Variants in ABHD12B observed in about 807,000 individuals in gnomAD.
The protein encoded by ABHD12B is abhydrolase domain containing 12B, also known as protein ABHD12B.
Under a neutral mutation model 50.4 loss-of-function variants are expected in ABHD12B, and 42 were observed. That is an observed-to-expected ratio of 0.83 (90% CI 0.65 to 1.08). The LOEUF (loss-of-function observed/expected upper bound fraction) is 1.08, where lower values mean the gene tolerates loss of function less well. ABHD12B is among the 50% of genes least tolerant of loss of function. The pLI is 0.00. For missense variants in ABHD12B, 479 were observed against 447.7 expected (o/e 1.07, Z -0.63); for synonymous variants, 167 against 160.3 (o/e 1.04, Z -0.32).
chr14:50,880,436 C>T lies in ABHD12B; in HGVS notation c.336-16C>T. ...TTCCTCTTTCTACATTTGTTTAAAC[C>T]TCCCTTGCTCTTCAGGCACACAGTC... On this transcript the variant is annotated splice_polypyrimidine_tract_variant and intron_variant, in intron 3 of 12. Transcript: ENST00000337334. 1.9e-6 allele frequency: 3 copies of T among 1,581,944 alleles called. No individual in the cohort carries two copies. The highest frequency in any genetic ancestry group is 2.6e-6 in the Non-Finnish European group (3 of 1,166,542).
chr14:50,888,874 G>A lies in ABHD12B; in HGVS notation c.751G>A (p.Val251Ile), dbSNP rs759249582. ...GGAAGCTCCATTTACCAACATGTGGGTTGCAAGTATCAATTATCCCTTGTT... is the reference window on the plus strand; with the variant it reads ...GGAAGCTCCATTTACCAACATGTGGATTGCAAGTATCAATTATCCCTTGTT... ...VLEAPFTNMW[V>I]ASINYPLLKI... is the part of the protein sequence containing the mutation. The change falls in exon 9 of 13, where the codon GTT becomes ATT. Residue 251 changes from valine to isoleucine, a missense_variant. Coordinates refer to ENST00000337334, the MANE Select transcript of ABHD12B (RefSeq NM_001206673.2). The A allele has an allele frequency of 1.9e-6, 3 of 1,614,058 alleles. No individual in the cohort carries two copies. The highest frequency in any genetic ancestry group is 4.5e-5 in the East Asian group (2 of 44,870).
At position 50,903,444 on chromosome 14, in the gene ABHD12B, G is replaced by C. The variant is rs369201329; in HGVS notation, c.919G>C (p.Val307Leu). The C allele has an allele frequency of 3.4e-5, 55 of 1,612,500 alleles. No homozygotes were observed. Among genetic ancestry groups the C allele is most frequent in the Non-Finnish European group, 4.3e-5 (51 of 1,179,012 alleles). The change falls in exon 11 of 13, where the codon GTG becomes CTG. Residue 307 changes from valine (V) to leucine (L), a missense_variant. Coordinates refer to ENST00000337334, the MANE Select transcript of ABHD12B (RefSeq NM_001206673.2). Reference protein sequence around the residue: ...LILHGEDDRTVPLEYGKKLYE... With the variant: ...LILHGEDDRTLPLEYGKKLYE... ...CTTACATGGAGAGGATGACAGGACA[G>C]TGCCTTTGGAGTATGGGAAAAAGGT...
At chr14:50,888,966 T>C in intron 9 of ABHD12B, 63 bp downstream of exon 9, 4 of 1,276,968 alleles carry the variant, frequency 3.1e-6, no homozygotes, top group South Asian at 2.6e-5. Context: ...GTGTAGGCTA[T>C]TTCTACACAT....
rs781371161 is a variant in ABHD12B at position 50,904,404 on chromosome 14, C to G, written c.*38C>G. ...TGGAAATCTTCAATGAAGACTTGGCCCAAACACCACCTGTGATGTATATTG... is the reference window on the plus strand; with the variant it reads ...TGGAAATCTTCAATGAAGACTTGGCGCAAACACCACCTGTGATGTATATTG... On this transcript the variant is annotated 3_prime_UTR_variant, in exon 13 of 13. Transcript: ENST00000337334. 1 of 1,612,862 alleles carries G rather than the reference C, an allele frequency of 6.2e-7. No individual in the cohort carries two copies. The highest frequency in any genetic ancestry group is 1.1e-5 in the South Asian group (1 of 91,078).
chr14:50,904,241 C>T (rs2050302208), intron 12 of ABHD12B, 49 bp downstream of exon 12: 4 of 1,612,552 alleles, frequency 2.5e-6, no homozygotes, highest in South Asian at 2.2e-5. Context: ...GCAATTAGGG[C>T]TGCTCTGGCT....
chr14:50,882,373 C>CTTTTTTTTTTTTTTTTTTTTTTTTTTTT (rs386381352), intron 5 of ABHD12B, among the ~76,000 whole-genome samples: 1 of 81,844 alleles, frequency 1.2e-5, no homozygotes, highest in African/African-American at 5.2e-5. Context: ...AGAATGTCTG[C>CTTTTTTTTTTTTTTTTTTTTTTTTTTTT]TTTTTTTTTT....
chr14:50,886,043 T>C, intron 7 of ABHD12B, 148 bp downstream of exon 7: 2 of 1,163,760 alleles, frequency 1.7e-6, no homozygotes, highest in Non-Finnish European at 2.4e-6. Flanking sequence ...TGGCTGAAGA[T>C]CTTGCCATCT....
chr14:50,894,239 C>T (rs1470460154), intron 9 of ABHD12B, among the ~76,000 whole-genome samples: 1 of 151,204 alleles, frequency 6.6e-6, no homozygotes, highest in African/African-American at 2.5e-5. Flanking sequence ...AACCCCTTCT[C>T]CTTCACCCTT....
chr14:50,896,802 G>A (rs576705820), intron 9 of ABHD12B, among the ~76,000 whole-genome samples: 23 of 152,102 alleles, frequency 1.5e-4, no homozygotes, highest in East Asian at 1.2e-3. Context: ...GACTCAGCCC[G>A]CCTGCACCCA....
intron 9 of ABHD12B, among the ~76,000 whole-genome samples, chr14:50,889,625 A>G (rs1267009471): frequency 6.6e-6 from 1 of 152,250 alleles, no homozygotes; most frequent in Non-Finnish European, 1.5e-5. Flanking sequence ...CGACAGAGTG[A>G]GACTTCGTCT....
intron 5 of ABHD12B, among the ~76,000 whole-genome samples, chr14:50,883,868 CACTGCAACAG>C (rs1268250371): frequency 6.6e-5 from 10 of 152,350 alleles, no homozygotes; most frequent in African/African-American, 2.4e-4. Flanking sequence ...ATGTATTCAT[CACTGCAACAG>C]ACTAATACAG....
At chr14:50,902,016 A>G in intron 10 of ABHD12B, 105 bp downstream of exon 10, 1 of 666,534 alleles carries the variant, frequency 1.5e-6, no homozygotes, top group Non-Finnish European at 2.4e-6. Context: ...CCTGAATATC[A>G]TTCTTATTCT....
chr14:50,896,122 T>C (rs1415568777), intron 9 of ABHD12B, among the ~76,000 whole-genome samples: 1 of 151,898 alleles, frequency 6.6e-6, no homozygotes, highest in Non-Finnish European at 1.5e-5. Flanking sequence ...CCCCTTACCA[T>C]CTCATTAAAA....
At chr14:50,881,382 T>C (rs1437483888) in intron 4 of ABHD12B, among the ~76,000 whole-genome samples, 1 of 151,966 alleles carries the variant, frequency 6.6e-6, no homozygotes, top group Admixed American at 6.6e-5. Context: ...TTTTTTGATG[T>C]GTCCATTTTA....
chr14:50,901,857 G>T lies in ABHD12B; in HGVS notation c.809G>T (p.Arg270Leu). The T allele has an allele frequency of 1.3e-6, 2 of 1,589,920 alleles. No individual in the cohort carries two copies. Among genetic ancestry groups the T allele is most frequent in the Admixed American group, 1.9e-5 (1 of 52,340 alleles). The change falls in exon 10 of 13, where the codon CGT (arginine) becomes CTT (leucine). Residue 270 changes from arginine to leucine, a missense_variant. By Grantham distance (102) the Arg-to-Leu change is moderately radical (BLOSUM62 -2). Coordinates refer to ENST00000337334, the MANE Select transcript of ABHD12B (RefSeq NM_001206673.2). The stretch of plus-strand genomic sequence containing the variant: ...TACCGGAACATTCCAGGATTTTTAC[G>T]TACACTTATGGATGCCCTGAGAAAA... ...KIYRNIPGFLRTLMDALRKDK... is the reference protein window; with the variant it reads ...KIYRNIPGFLLTLMDALRKDK...
chr14:50,901,501 A>T (rs2050259341), intron 9 of ABHD12B, among the ~76,000 whole-genome samples: 2 of 145,004 alleles, frequency 1.4e-5, no homozygotes, highest in Admixed American at 1.5e-4. Flanking sequence ...TTATGTTCAC[A>T]ATAGAAGCAA....
intron 1 of ABHD12B, 39 bp from the exon 2 acceptor site, chr14:50,877,913 T>A: frequency 6.8e-7 from 1 of 1,467,270 alleles, no homozygotes; most frequent in African/African-American, 1.4e-5. Flanking sequence ...ACAAATGGAT[T>A]AATTTCGAAA....
In ABHD12B at chr14:50,872,086, C is replaced by A; in HGVS notation, c.-89C>A. ...TGACCGCGCGGAGGAGGAGGGCGGG[C>A]GCGGTGCCGCCGGGGCGGGAAGGTC... On this transcript the variant is annotated 5_prime_UTR_variant, in exon 1 of 13. Transcript: ENST00000337334. 2.0e-6 allele frequency: 2 copies of A among 1,004,014 alleles called. No individual in the cohort carries two copies. Among genetic ancestry groups the A allele is most frequent in the African/African-American group, 1.7e-5 (1 of 59,286 alleles). 62.2% of individuals were successfully genotyped at this position (1,004,014 alleles called of 1,614,324 possible). A position where few individuals can be genotyped will look rare whatever the true frequency, so the allele number is the denominator to read the frequency against.
At chr14:50,894,838 G>A (rs12589924) in intron 9 of ABHD12B, among the ~76,000 whole-genome samples, 45,956 of 146,646 alleles carry the variant, frequency 0.31, 8,999 homozygotes, top group East Asian at 0.59. Flanking sequence ...CTACAGACCC[G>A]TCTGACCTCT....
Sources: allele counts gnomAD v4.1 joint callset (sites outside exome capture counted in the v4.1 genomes callset), GRCh38; gene constraint gnomAD v4.1.1; transcripts MANE v1.5; gene names NCBI Gene and HGNC (gene_info 2026-07-23, HGNC 2026-07-21).